The following MMP25 variants were observed in gnomAD, a reference collection of about 807,000 sequenced individuals.
The protein encoded by MMP25 is matrix metallopeptidase 25, also known as matrix metalloproteinase-25.
In MMP25, 68 loss-of-function variants were observed where a neutral mutation model predicts 62.1. The ratio of observed to expected loss-of-function variants is 1.10; its 90% CI spans 0.90 to 1.34. The LOEUF (loss-of-function observed/expected upper bound fraction) is 1.34, where lower values mean the gene tolerates loss of function less well. Among genes scored for constraint, MMP25 ranks in the 40% most tolerant of loss-of-function variants. The pLI, the probability that MMP25 is intolerant of heterozygous loss-of-function variation, is 0.00. For synonymous variants in MMP25, 407 were observed against 345.6 expected (o/e 1.18, Z -1.97); for missense variants, 942 against 792.5 (o/e 1.19, Z -2.26).
At chr16:3,057,964 A>C in intron 7 of MMP25, 1 of 591,788 alleles carries the variant, frequency 1.7e-6, no homozygotes, top group Non-Finnish European at 2.9e-6. Context: ...CAGCCTCCCA[A>C]TGTGCTGGCA....
chr16:3,056,587 A>G (rs967538356), intron 4 of MMP25, among the ~76,000 whole-genome samples: 1 of 151,566 alleles, frequency 6.6e-6, no homozygotes, highest in Admixed American at 6.6e-5. Flanking sequence ...AATTTTTAAA[A>G]TTTTTTTGTA....
chr16:3,058,738 A>C, intron 9 of MMP25, 69 bp downstream of exon 9: 1 of 1,449,480 alleles, frequency 6.9e-7, no homozygotes, highest in Non-Finnish European at 9.2e-7. Context: ...GAATGGGGAC[A>C]TGGAGGCCAC....
chr16:3,058,569 C>T lies in MMP25; in HGVS notation c.1317C>T (p.Tyr439=), dbSNP rs950404219. 1.2e-6 allele frequency: 2 copies of T among 1,610,112 alleles called. No homozygotes were observed. The highest frequency in any genetic ancestry group is 2.7e-5 in the African/African-American group (2 of 74,820). The change falls in exon 9 of 10, where the codon TAC becomes TAT. Residue 439 remains tyrosine, a synonymous_variant. Transcript: ENST00000336577. ...YLVRGRQYWR[Y]DEAAARPDPG... ...TCCGCGGCCGGCAGTACTGGCGCTA[C>T]GACGAGGCGGCGGCGCGCCCGGACC...
At chr16:3,048,023 G>A (rs1955846362) in intron 2 of MMP25, among the ~76,000 whole-genome samples, 1 of 152,080 alleles carries the variant, frequency 6.6e-6, no homozygotes, top group African/African-American at 2.4e-5. Flanking sequence ...ATTTTTAGTA[G>A]AGACGGGGTT....
At position 3,058,097 on chromosome 16, in the gene MMP25, C is replaced by A. The variant is rs973839676; in HGVS notation, c.1007-84C>A. ...TTGCGCCCTTGATTTCCAGATGGGACCCCTCCCCACCCAGCCACACACCCT... is the reference window on the plus strand; with the variant it reads ...TTGCGCCCTTGATTTCCAGATGGGAACCCTCCCCACCCAGCCACACACCCT... On this transcript the variant is annotated intron_variant, in intron 7 of 9. Coordinates refer to ENST00000336577, the MANE Select transcript of MMP25 (RefSeq NM_022468.5). The A allele has an allele frequency of 5.3e-6, 8 of 1,514,276 alleles. No individual in the cohort carries two copies. In the Admixed American group the frequency reaches 8.4e-5, roughly 16 times the overall value. 93.8% of individuals were successfully genotyped at this position (1,514,276 alleles called of 1,614,324 possible).
chr16:3,055,966 C>A (rs1196118464), intron 4 of MMP25: 1 of 455,220 alleles, frequency 2.2e-6, no homozygotes, highest in South Asian at 1.6e-5. Context: ...AGGGAAGAGG[C>A]TGGGAGCAAG....
chr16:3,057,413 C>G lies in MMP25; in HGVS notation c.923+19C>G, dbSNP rs199827960. On this transcript the variant is annotated intron_variant, in intron 6 of 9. Transcript: ENST00000336577. ...CACACAGGTGAGTCCCCCACCAACTCGGAGACCTTGGGTGACCAGCTGCCC... is the reference window on the plus strand; with the variant it reads ...CACACAGGTGAGTCCCCCACCAACTGGGAGACCTTGGGTGACCAGCTGCCC... The G allele has an allele frequency of 1.9e-6, 3 of 1,607,928 alleles. No individual in the cohort carries two copies. Among genetic ancestry groups the G allele is most frequent in the Admixed American group, 1.7e-5 (1 of 59,676 alleles).
chr16:3,059,330 G>A lies in MMP25; in HGVS notation c.*232G>A. On this transcript the variant is annotated 3_prime_UTR_variant, in exon 10 of 10. Transcript: ENST00000336577. The stretch of plus-strand genomic sequence containing the variant: ...GTCTGAGACCCCGGCGCTGCCACCG[G>A]AACCCGCCTTCAGGGGCGCACGCGC... The A allele has an allele frequency of 2.4e-6, 1 of 423,676 alleles. No homozygotes were observed. The highest frequency in any genetic ancestry group is 4.0e-6 in the Non-Finnish European group (1 of 248,522). The allele number at this position is 423,676 out of a possible 1,614,324, so 26.2% of individuals were successfully genotyped here.
Position 3,047,815 on chromosome 16 carries a change from T to G in MMP25, c.232+268T>G, listed in dbSNP as rs1955841820. On this transcript the variant is annotated intron_variant, in intron 2 of 9. Transcript: ENST00000336577. Reference sequence around the variant, plus strand: ...TTTGAGACCAGCTTGGCCAACAAAGTGAGACCCCCCCACTCTCCAAGGATT... The same window carrying G: ...TTTGAGACCAGCTTGGCCAACAAAGGGAGACCCCCCCACTCTCCAAGGATT... Among the ~76,000 whole-genome samples the G allele has an allele frequency of 2.0e-5, 3 of 149,830 alleles. No individual in the cohort carries two copies. In the South Asian group the frequency reaches 6.3e-4, roughly 32 times the overall value.
At chr16:3,049,910 T>G in intron 2 of MMP25, 99 bp from the exon 3 acceptor site, 19 of 1,557,268 alleles carry the variant, frequency 1.2e-5, no homozygotes, top group East Asian at 2.2e-5. Context: ...TTGAGCCCTC[T>G]GAGCCTCAGT....
chr16:3,048,954 C>T (rs1465118534), intron 2 of MMP25, among the ~76,000 whole-genome samples: 3 of 151,774 alleles, frequency 2.0e-5, no homozygotes, highest in African/African-American at 4.8e-5. Flanking sequence ...TACAGGCATC[C>T]GCCACCATGC....
intron 7 of MMP25, 131 bp from the exon 8 acceptor site, chr16:3,058,050 T>G (rs1956043088): frequency 9.1e-7 from 1 of 1,098,186 alleles, no homozygotes; most frequent in East Asian, 2.6e-5. Flanking sequence ...CGGGCCAGGA[T>G]GGGCTGGTCA....
chr16:3,046,988 C>T lies in MMP25; in HGVS notation c.71C>T (p.Pro24Leu), dbSNP rs935661359. 1.1e-5 allele frequency: 16 copies of T among 1,472,170 alleles called. No homozygotes were observed. Among genetic ancestry groups the T allele is most frequent in the African/African-American group, 5.9e-5 (4 of 67,930 alleles). The allele number at this position is 1,472,170 out of a possible 1,614,324, so 91.2% of individuals were successfully genotyped here. The change falls in exon 1 of 10, where the codon CCC becomes CTC. Residue 24 changes from proline (P) to leucine (L), a missense_variant. Coordinates refer to ENST00000336577, the MANE Select transcript of MMP25 (RefSeq NM_022468.5). Reference sequence around the variant, plus strand: ...GCACCGCCCGCGCGCGCCCCGAAGCCCTCGGCGCAGGACGTGAGCCTGGGC... The same window carrying T: ...GCACCGCCCGCGCGCGCCCCGAAGCTCTCGGCGCAGGACGTGAGCCTGGGC... ...LLAPPARAPK[P>L]SAQDVSLGVD...
At chr16:3,053,433 T>A (rs1238733953) in intron 4 of MMP25, 3 of 152,070 alleles carry the variant, frequency 2.0e-5, no homozygotes, top group Non-Finnish European at 4.4e-5. Context: ...TTGTCTCAGG[T>A]TCCTCGCCTG....
chr16:3,055,460 T>A (rs1955990406), intron 4 of MMP25, among the ~76,000 whole-genome samples: 1 of 152,152 alleles, frequency 6.6e-6, no homozygotes, highest in Non-Finnish European at 1.5e-5. Context: ...GCGGATGTGA[T>A]TTGAGCAAGA....
Position 3,050,513 on chromosome 16 carries a change from G to A in MMP25, c.628G>A (p.Asp210Asn), listed in dbSNP as rs2151154362. Reference protein sequence around the residue: ...EHPISGDTHFDDEETWTFGSK... With the variant: ...EHPISGDTHFNDEETWTFGSK... ...CCCCATCTCCGGGGACACTCACTTT[G>A]ACGATGAGGAGACCTGGACTTTTGG... The change falls in exon 4 of 10, where the codon GAC becomes AAC. Residue 210 changes from aspartate to asparagine, a missense_variant. Transcript: ENST00000336577. 1 of 1,577,276 alleles carries A rather than the reference G, an allele frequency of 6.3e-7. No individual in the cohort carries two copies. The highest frequency in any genetic ancestry group is 1.7e-4 in the Middle Eastern group (1 of 5,888).
chr16:3,050,098 T>TA lies in MMP25; in HGVS notation c.323dup (p.Tyr108Ter), dbSNP rs766057587. Residue 108 changes from tyrosine to a stop codon, truncating the protein, a stop_gained and frameshift_variant, in exon 3 of 10, where the codon TAC (tyrosine) becomes TAAC (stop). Coordinates refer to ENST00000336577, the MANE Select transcript of MMP25 (RefSeq NM_022468.5). LOFTEE classifies it high-confidence loss of function. ...GGGGCTGGTCAGGCGGCGTCGCCGG[T>TA]ACGCTCTGAGCGGCAGCGTGTGGAA... ...VAGLVRRRRRYALSGSVWKKR... is the reference protein window; with the variant it reads ...VAGLVRRRRR The TA allele has an allele frequency of 2.6e-5, 42 of 1,611,396 alleles. No individual in the cohort carries two copies. The highest frequency in any genetic ancestry group is 3.4e-5 in the Non-Finnish European group (40 of 1,179,770).
intron 4 of MMP25, chr16:3,055,980 G>A (rs555495825): frequency 6.2e-5 from 28 of 454,858 alleles, no homozygotes; most frequent in Middle Eastern, 5.3e-4. Flanking sequence ...GAGCAAGGCC[G>A]GGTGCTGGGG....
chr16:3,046,860 G>T lies in MMP25; in HGVS notation c.-58G>T. On this transcript the variant is annotated 5_prime_UTR_variant, in exon 1 of 10. Transcript: ENST00000336577. ...CCGGATCTCCTCCCCCAGGTCCCCG[G>T]GGCGGCCCCAGCCAGGCCCCCTTCG... 1 of 1,018,702 alleles carries T rather than the reference G, an allele frequency of 9.8e-7. No individual in the cohort carries two copies. Among genetic ancestry groups the T allele is most frequent in the Non-Finnish European group, 1.3e-6 (1 of 758,180 alleles). 63.1% of individuals were successfully genotyped at this position (1,018,702 alleles called of 1,614,324 possible).
Sources: allele counts gnomAD v4.1 joint callset (sites outside exome capture counted in the v4.1 genomes callset), GRCh38; gene constraint gnomAD v4.1.1; transcripts MANE v1.5; gene names NCBI Gene and HGNC (gene_info 2026-07-23, HGNC 2026-07-21).